The following GALNS variants were observed in gnomAD, a reference collection of about 807,000 sequenced individuals.
GALNS encodes N-acetylgalactosamine-6-sulfatase.
Under a neutral mutation model 65.9 loss-of-function variants are expected in GALNS, and 65 were observed. That is an observed-to-expected ratio of 0.99 (90% confidence interval 0.81 to 1.21). GALNS has a LOEUF of 1.21. Among genes scored for constraint, GALNS ranks in the 50% most tolerant of loss-of-function variants. GALNS has a pLI of 0.00. For synonymous variants in GALNS, 346 were observed against 288.9 expected (o/e 1.20, Z -2.00); for missense variants, 776 against 700.7 (o/e 1.11, Z -1.21).
chr16:88,841,740 G>T (rs1191564003), intron 3 of GALNS, among the ~76,000 whole-genome samples, 157 bp downstream of exon 3: 1 of 152,114 alleles, frequency 6.6e-6, no homozygotes, highest in Admixed American at 6.5e-5. Context: ...AGCCAGCTAG[G>T]GGGGCCTGCA....
chr16:88,856,188 G>A (rs1394414391), intron 1 of GALNS: 8 of 703,004 alleles, frequency 1.1e-5, no homozygotes, highest in South Asian at 3.0e-5. Context: ...CAGTTCTTCA[G>A]ACCTTAGGGA....
intron 13 of GALNS, chr16:88,815,377 G>T (rs1909516811): frequency 2.0e-6 from 2 of 985,472 alleles, no homozygotes; most frequent in Non-Finnish European, 2.4e-6. Flanking sequence ...AGCCTCTCAA[G>T]AAGCCTTTCC....
At position 88,822,650 on chromosome 16, in the gene GALNS, G is replaced by A. The variant is rs375196202; in HGVS notation, c.1303C>T (p.His435Tyr). ...SGVTTHNLEDHTKLPLIFHLG... is the reference protein window; with the variant it reads ...SGVTTHNLEDYTKLPLIFHLG... ...TGGAAGATCAGGGGCAGCTTCGTGT[G>A]GTCTTCCAGATTGTGAGTTGTGACC... Residue 435 changes from histidine (H) to tyrosine (Y), a missense_variant, in exon 12 of 14, where the codon CAC becomes TAC. Coordinates refer to ENST00000268695, the MANE Select transcript of GALNS (RefSeq NM_000512.5). The A allele has an allele frequency of 7.4e-6, 12 of 1,613,190 alleles. No homozygotes were observed. The African/African-American group carries it at 1.6e-4, about 21-fold the overall frequency.
At position 88,828,145 on chromosome 16, in the gene GALNS, G is replaced by A. The variant is rs576423515; in HGVS notation, c.1003-1307C>T. Among the ~76,000 whole-genome samples the A allele has an allele frequency of 2.0e-5, 3 of 152,356 alleles. No homozygotes were observed. The East Asian group carries it at 5.8e-4, about 29-fold the overall frequency. On this transcript the variant is annotated intron_variant, in intron 9 of 13. Transcript: ENST00000268695. ...AAGGTGAGAAGCTTCCCCAGGTCTG[G>A]TCAGCAGTGTCTGTGCGACTGCTTC... is the stretch of plus-strand genomic sequence containing the variant.
chr16:88,852,566 G>A (rs1376661515), intron 1 of GALNS, among the ~76,000 whole-genome samples: 1 of 152,230 alleles, frequency 6.6e-6, no homozygotes, highest in Admixed American at 6.5e-5. Flanking sequence ...GCTTCAGAAA[G>A]TCGGTAATAA....
Position 88,824,823 on chromosome 16 carries a change from C to T in GALNS, c.1186G>A (p.Gly396Arg), listed in dbSNP as rs371459975. 216 of 1,613,244 alleles carry T rather than the reference C, an allele frequency of 1.3e-4. No individual in the cohort carries two copies. The highest frequency in any genetic ancestry group is 8.5e-4 in the South Asian group (77 of 91,092). The part of the protein sequence containing the change: ...RGDTLMAATL[G>R]QHKAHFWTWT... ...GTCCAGAAGTGAGCCTTGTGCTGCC[C>T]GAGGGTGGCCGCCATCAGCGTGTCG... Residue 396 changes from glycine to arginine, a missense_variant, in exon 11 of 14, where the codon GGG (glycine) becomes AGG (arginine). Physicochemically the swap from Gly to Arg is moderately radical, Grantham distance 125. Transcript: ENST00000268695.
chr16:88,826,623 T>C, intron 10 of GALNS, 79 bp downstream of exon 10: 1 of 1,527,986 alleles, frequency 6.5e-7, no homozygotes, highest in Non-Finnish European at 9.0e-7. Context: ...CTGCTGGGCC[T>C]GGGGGTTGCA....
At chr16:88,845,707 G>T (rs1311722613) in intron 1 of GALNS, 1 of 149,440 alleles carries the variant, frequency 6.7e-6, no homozygotes, top group Non-Finnish European at 1.5e-5. Flanking sequence ...TTGTGCCACC[G>T]CACTCCAGCC....
chr16:88,852,833 T>C (rs1233841392), intron 1 of GALNS, among the ~76,000 whole-genome samples: 2 of 152,210 alleles, frequency 1.3e-5, no homozygotes, highest in East Asian at 3.8e-4. Flanking sequence ...TGGGCGGCTA[T>C]AATCCCAGCT....
intron 1 of GALNS, among the ~76,000 whole-genome samples, chr16:88,849,443 C>G (rs1679371059): frequency 6.6e-6 from 1 of 152,162 alleles, no homozygotes; most frequent in South Asian, 2.1e-4. Flanking sequence ...CACCACCAAG[C>G]TCATCTAATT....
intron 11 of GALNS, among the ~76,000 whole-genome samples, chr16:88,823,461 T>A (rs556093553): frequency 6.6e-6 from 1 of 152,066 alleles, no homozygotes; most frequent in African/African-American, 2.4e-5. Flanking sequence ...GTCCGAGGAC[T>A]GTGCCCAGGA....
intron 1 of GALNS, chr16:88,843,242 C>A (rs1312072385): frequency 7.8e-7 from 1 of 1,284,502 alleles, no homozygotes; most frequent in Non-Finnish European, 1.0e-6. Flanking sequence ...TGTCTGTACA[C>A]GTCTAGATTT....
In GALNS at chr16:88,841,024, C is replaced by T; in HGVS notation, c.390G>A (p.Lys130=). The T allele has an allele frequency of 6.2e-7, 1 of 1,613,314 alleles. No individual in the cohort carries two copies. The highest frequency in any genetic ancestry group is 2.2e-5 in the East Asian group (1 of 44,880). ...CGACAATCTTGCTGACGTAGCCGGCCTTCTTCAGAAGCTCCGGCAGGAGCT... is the reference window on the plus strand; with the variant it reads ...CGACAATCTTGCTGACGTAGCCGGCTTTCTTCAGAAGCTCCGGCAGGAGCT... ...SEQLLPELLK[K]AGYVSKIVGK... The change falls in exon 4 of 14, where the codon AAG becomes AAA. Residue 130 remains lysine, a synonymous_variant. Coordinates refer to ENST00000268695, the MANE Select transcript of GALNS (RefSeq NM_000512.5).
intron 1 of GALNS, among the ~76,000 whole-genome samples, chr16:88,850,333 G>A (rs1412364043): frequency 6.6e-6 from 1 of 152,116 alleles, no homozygotes; most frequent in Non-Finnish European, 1.5e-5. Context: ...AGGCGGGTCT[G>A]GCCTCCCCAG....
rs1440117718 is a variant in GALNS at position 88,855,570 on chromosome 16, T to C, written c.120+1188A>G. ...AGATGGAAAAGCAGCTGCCCAGGACTGTCGGCTGTCACCCCTGGGTGGGGA... is the reference window on the plus strand; with the variant it reads ...AGATGGAAAAGCAGCTGCCCAGGACCGTCGGCTGTCACCCCTGGGTGGGGA... On this transcript the variant is annotated intron_variant, in intron 1 of 13. Coordinates refer to ENST00000268695, the MANE Select transcript of GALNS (RefSeq NM_000512.5). 5.8e-6 allele frequency: 4 copies of C among 688,792 alleles called. No individual in the cohort carries two copies. The South Asian group carries it at 6.1e-5, about 10-fold the overall frequency. 42.7% of individuals were successfully genotyped at this position (688,792 alleles called of 1,614,324 possible).
At chr16:88,847,328 G>A (rs947218469) in intron 1 of GALNS, among the ~76,000 whole-genome samples, 4 of 152,094 alleles carry the variant, frequency 2.6e-5, no homozygotes, top group Non-Finnish European at 5.9e-5. Context: ...CTGAGATCGC[G>A]CCACGGCAGT....
chr16:88,853,251 CAAAAAAAA>C (rs34618279), intron 1 of GALNS, among the ~76,000 whole-genome samples: 4 of 64,672 alleles, frequency 6.2e-5, no homozygotes, highest in South Asian at 6.2e-4. Context: ...GACTCCATCT[CAAAAAAAA>C]AAAAAAAAAA....
intron 8 of GALNS, 90 bp downstream of exon 8, chr16:88,835,123 C>T (rs1911974502): frequency 6.6e-7 from 1 of 1,515,454 alleles, no homozygotes; most frequent in African/African-American, 1.4e-5. Flanking sequence ...GCTCTGCCCA[C>T]CACAGACCCC....
At chr16:88,850,156 G>A (rs1361319290) in intron 1 of GALNS, among the ~76,000 whole-genome samples, 1 of 152,186 alleles carries the variant, frequency 6.6e-6, no homozygotes, top group Admixed American at 6.5e-5. Context: ...TGGGCCGGGG[G>A]CACAAGGCCT....
Sources: gnomAD v4.1 joint callset for allele counts (sites outside exome capture counted in the v4.1 genomes callset) on GRCh38, gnomAD v4.1.1 for gene constraint, MANE v1.5 for transcripts, NCBI Gene and HGNC (gene_info 2026-07-23, HGNC 2026-07-21) for gene names.